The following SOX5 variants were observed in gnomAD, a reference collection of about 807,000 sequenced individuals.
SOX5 encodes the protein SRY-box transcription factor 5, also known as transcription factor SOX-5.
In SOX5, 9 loss-of-function variants were observed where a neutral mutation model predicts 92.0. That is an observed-to-expected ratio of 0.10 (90% CI 0.06 to 0.17). The LOEUF (loss-of-function observed/expected upper bound fraction) is 0.17, where lower values mean the gene tolerates loss of function less well. SOX5 is among the 10% of genes least tolerant of loss of function. The pLI is 1.00. For missense variants in SOX5, 642 were observed against 944.5 expected (o/e 0.68, Z 4.20); for synonymous variants, 344 against 336.3 (o/e 1.02, Z -0.25).
At chr12:24,108,287 G>A (rs1946913119) in intron 4 of SOX5, among the ~76,000 whole-genome samples, 1 of 151,928 alleles carries the variant, frequency 6.6e-6, no homozygotes, top group South Asian at 2.1e-4. Flanking sequence ...GTTTGTGGAT[G>A]TTTTTTGTTA....
chr12:23,571,413 A>C (rs143070101), intron 10 of SOX5, among the ~76,000 whole-genome samples: 12 of 152,136 alleles, frequency 7.9e-5, no homozygotes, highest in South Asian at 2.1e-4. Context: ...AATATGTCCC[A>C]AAGATATGCT....
intron 4 of SOX5, among the ~76,000 whole-genome samples, chr12:24,127,051 A>T (rs1949173027): frequency 6.6e-6 from 1 of 151,964 alleles, no homozygotes; most frequent in African/African-American, 2.4e-5. Flanking sequence ...AAGATTGCAC[A>T]TTATAAATGT....
intron 4 of SOX5, among the ~76,000 whole-genome samples, chr12:24,200,821 T>C (rs1957444484): frequency 1.3e-5 from 2 of 152,228 alleles, no homozygotes; most frequent in Admixed American, 6.5e-5. Flanking sequence ...AATTCTACCA[T>C]ACTTCCTAAT....
intron 1 of SOX5, among the ~76,000 whole-genome samples, chr12:23,948,731 G>A (rs1945025315): frequency 6.6e-6 from 1 of 151,932 alleles, no homozygotes; most frequent in South Asian, 2.1e-4. Context: ...ATTGCAATGT[G>A]TACTTATAGG....
chr12:23,965,834 G>T (rs1270542570), intron 4 of SOX5, among the ~76,000 whole-genome samples: 3 of 151,930 alleles, frequency 2.0e-5, no homozygotes, highest in Non-Finnish European at 2.9e-5. Flanking sequence ...GGCCAGGCTG[G>T]TCTTGAACTC....
At chr12:24,098,491 C>A (rs1247915715) in intron 4 of SOX5, among the ~76,000 whole-genome samples, 1 of 152,096 alleles carries the variant, frequency 6.6e-6, no homozygotes. Context: ...CCAATAGACT[C>A]CACCTGTAAA....
chr12:24,372,855 C>T (rs1389910319), intron 1 of SOX5, among the ~76,000 whole-genome samples: 3 of 150,972 alleles, frequency 2.0e-5, no homozygotes, highest in Non-Finnish European at 2.9e-5. Context: ...CAGTGGCTCA[C>T]GTCTGTAATC....
At chr12:23,687,195 G>A (rs115108706) in intron 6 of SOX5, among the ~76,000 whole-genome samples, 1,529 of 152,002 alleles carry the variant, frequency 0.01, 23 homozygotes, top group African/African-American at 0.034. Flanking sequence ...TACATGTGTC[G>A]TCACTAAGGA....
At chr12:24,182,771 T>C (rs552379026) in intron 4 of SOX5, among the ~76,000 whole-genome samples, 1 of 152,346 alleles carries the variant, frequency 6.6e-6, no homozygotes, top group South Asian at 2.1e-4. Context: ...TGGAGTGCAG[T>C]GGCACGACCT....
At chr12:24,506,782 G>GT (rs1386116375) in intron 1 of SOX5, among the ~76,000 whole-genome samples, 5 of 80,278 alleles carry the variant, frequency 6.2e-5, no homozygotes, top group Admixed American at 1.5e-4. Flanking sequence ...TATCCAAATG[G>GT]TCTTTTTTTT....
chr12:24,315,830 T>C (rs2140855755), intron 2 of SOX5, among the ~76,000 whole-genome samples: 1 of 152,340 alleles, frequency 6.6e-6, no homozygotes. Flanking sequence ...CTGAAGGCCT[T>C]AGGCTCAAAT....
chr12:24,508,930 G>A lies in SOX5; in HGVS notation c.-251+53399C>T, dbSNP rs565392714. On this transcript the variant is annotated intron_variant, in intron 1 of 4. Transcript: ENST00000446891. ...ACAGAGAATTTCAAGAAAGAATGAG[G>A]TGTCAACAGTGTCAAATACAGGGAA... is the stretch of plus-strand genomic sequence containing the variant. Among the ~76,000 whole-genome samples the A allele has an allele frequency of 8.5e-5, 13 of 152,196 alleles. 1 individual carries two copies. The South Asian group carries it at 2.7e-3, about 32-fold the overall frequency.
At chr12:24,238,755 T>C (rs1226052770) in intron 3 of SOX5, among the ~76,000 whole-genome samples, 1 of 152,188 alleles carries the variant, frequency 6.6e-6, no homozygotes, top group African/African-American at 2.4e-5. Flanking sequence ...TCTTAGATCC[T>C]ACATAGCTTA....
chr12:23,721,331 A>T (rs10842218), intron 6 of SOX5, among the ~76,000 whole-genome samples: 13 of 151,770 alleles, frequency 8.6e-5, no homozygotes, highest in Non-Finnish European at 1.8e-4. Flanking sequence ...GTGATCCACC[A>T]GCCTCAGCCT....
At chr12:24,239,860 C>A (rs2140048609) in intron 3 of SOX5, among the ~76,000 whole-genome samples, 1 of 152,240 alleles carries the variant, frequency 6.6e-6, no homozygotes, top group East Asian at 1.9e-4. Flanking sequence ...GGAGATTTAA[C>A]CTGACCATTC....
At chr12:23,536,800 G>A in intron 13 of SOX5, 131 bp from the exon 14 acceptor site, 2 of 683,126 alleles carry the variant, frequency 2.9e-6, no homozygotes, top group Admixed American at 2.2e-5. Context: ...ACCTGTTTTT[G>A]ATTAGTGAGA....
At chr12:23,744,282 C>T (rs996558073) in intron 4 of SOX5, among the ~76,000 whole-genome samples, 7 of 152,276 alleles carry the variant, frequency 4.6e-5, no homozygotes, top group African/African-American at 1.7e-4. Context: ...ATTTTAACCT[C>T]CTGAGTTCTA....
intron 2 of SOX5, among the ~76,000 whole-genome samples, chr12:24,293,677 C>T (rs915900548): frequency 2.6e-5 from 4 of 152,096 alleles, no homozygotes; most frequent in Non-Finnish European, 5.9e-5. Context: ...ATATCAATAT[C>T]AATATTGACA....
At chr12:23,871,136 T>C (rs1006286498) in intron 2 of SOX5, among the ~76,000 whole-genome samples, 1 of 152,144 alleles carries the variant, frequency 6.6e-6, no homozygotes, top group South Asian at 2.1e-4. Context: ...AGAAGTTAAA[T>C]GCCTATGTGC....
Sources: gnomAD v4.1 joint callset for allele counts (sites outside exome capture counted in the v4.1 genomes callset) on GRCh38, gnomAD v4.1.1 for gene constraint, MANE v1.5 for transcripts, NCBI Gene and HGNC (gene_info 2026-07-23, HGNC 2026-07-21) for gene names.